Variants in BCO2 observed in about 807,000 individuals in gnomAD.
BCO2 encodes the protein beta-carotene oxygenase 2.
Under a neutral mutation model 65.8 loss-of-function variants are expected in BCO2, and 56 were observed. That is an observed-to-expected ratio of 0.85 (90% confidence interval 0.69 to 1.06). BCO2 has a LOEUF of 1.06. Among genes scored for constraint, BCO2 ranks in the 50% least tolerant of loss-of-function variants. The pLI is 0.00. For synonymous variants in BCO2, 233 were observed against 242.3 expected, an observed-to-expected ratio of 0.96 and a Z score of 0.36; for missense variants, 675 against 698.5, an observed-to-expected ratio of 0.97 and a Z score of 0.38.
In BCO2 at chr11:112,199,823, C is replaced by A. The variant is rs140187711; in HGVS notation, c.861C>A (p.Ser287Arg). ...TEKGKPSYYH[S>R]FGMTRNYIIF... ...AAGGGAAACCTTCTTACTACCATAG[C>A]TTTGGTGAGTCCAGAGATAAGGCAA... Residue 287 changes from serine to arginine, a missense_variant, in exon 6 of 12, where the codon AGC becomes AGA. By Grantham distance (110) the Ser-to-Arg change is moderately radical. Coordinates refer to ENST00000357685, the MANE Select transcript of BCO2 (RefSeq NM_031938.7). The A allele has an allele frequency of 1.9e-6, 3 of 1,613,954 alleles. No homozygotes were observed. In the African/African-American group the frequency reaches 4.0e-5, roughly 22 times the overall value.
intron 5 of BCO2, among the ~76,000 whole-genome samples, chr11:112,197,774 A>T (rs1247285296): frequency 1.3e-5 from 2 of 152,098 alleles, no homozygotes; most frequent in African/African-American, 4.8e-5. Flanking sequence ...CTTTTAACCC[A>T]CACCCACTTC....
At chr11:112,209,190 C>G (rs1859436160) in intron 8 of BCO2, among the ~76,000 whole-genome samples, 1 of 152,104 alleles carries the variant, frequency 6.6e-6, no homozygotes, top group African/African-American at 2.4e-5. Context: ...ATGTATCTAC[C>G]AATATCATAC....
intron 8 of BCO2, chr11:112,208,624 A>G (rs1859417316): frequency 4.3e-6 from 1 of 230,826 alleles, no homozygotes; most frequent in Non-Finnish European, 8.7e-6. Flanking sequence ...TGCATCTGCT[A>G]GCAGTGTCGT....
chr11:112,213,712 C>T lies in BCO2; in HGVS notation c.1195-12C>T. ...GAATGACAATTTTCATCTCTTTCTT[C>T]TTCCCAAACAGGTCCATAATTCAGC... On this transcript the variant is annotated splice_polypyrimidine_tract_variant and intron_variant, in intron 8 of 11. Transcript: ENST00000357685. 1.2e-6 allele frequency: 2 copies of T among 1,610,982 alleles called. No homozygotes were observed. Among genetic ancestry groups the T allele is most frequent in the South Asian group, 1.1e-5 (1 of 90,928 alleles).
chr11:112,213,965 A>C, intron 9 of BCO2, 104 bp downstream of exon 9: 1 of 960,698 alleles, frequency 1.0e-6, no homozygotes, highest in Non-Finnish European at 1.5e-6. Context: ...CTTTTATAAC[A>C]TTCATCCGAG....
intron 2 of BCO2, chr11:112,181,471 G>C (rs75649625): frequency 2.9e-6 from 2 of 681,138 alleles, no homozygotes; most frequent in Non-Finnish European, 5.6e-6. Flanking sequence ...GTGAGCCACC[G>C]CGCCCGGCCG....
At chr11:112,178,130 G>T (rs1866934951) in intron 1 of BCO2, among the ~76,000 whole-genome samples, 1 of 151,728 alleles carries the variant, frequency 6.6e-6, no homozygotes. Context: ...GGCCAGACAG[G>T]TCTCGAACTC....
Position 112,194,775 on chromosome 11 carries a change from C to A in BCO2, c.736+20C>A. ...CATATGGTAAAGTTGCAATAAAGGTCTTTTTAGAAATAATTGAGACCAGGC... is the reference window on the plus strand; with the variant it reads ...CATATGGTAAAGTTGCAATAAAGGTATTTTTAGAAATAATTGAGACCAGGC... On this transcript the variant is annotated intron_variant, in intron 5 of 11. Transcript: ENST00000357685. 1 of 1,505,842 alleles carries A rather than the reference C, an allele frequency of 6.6e-7. No homozygotes were observed. Among genetic ancestry groups the A allele is most frequent in the Non-Finnish European group, 9.2e-7 (1 of 1,089,748 alleles). 93.3% of individuals were successfully genotyped at this position (1,505,842 alleles called of 1,614,324 possible).
At chr11:112,194,436 T>G in intron 4 of BCO2, 1 of 484,904 alleles carries the variant, frequency 2.1e-6, no homozygotes. Flanking sequence ...TCAGGGTGGT[T>G]TTGTTGTTAG....
intron 2 of BCO2, chr11:112,182,901 A>G: frequency 7.8e-7 from 1 of 1,283,740 alleles, no homozygotes; most frequent in Non-Finnish European, 1.1e-6. Flanking sequence ...GAAACTGTGT[A>G]ATTTTGAGGA....
At chr11:112,180,783 T>C in intron 2 of BCO2, 1 of 976,856 alleles carries the variant, frequency 1.0e-6, no homozygotes, top group African/African-American at 1.6e-5. Flanking sequence ...ATGAGGCGGA[T>C]GACCCTGTTC....
At position 112,175,592 on chromosome 11, in the gene BCO2, C is replaced by T; in HGVS notation, c.-10C>T. 5 of 1,604,742 alleles carry T rather than the reference C, an allele frequency of 3.1e-6. No homozygotes were observed. Among genetic ancestry groups the T allele is most frequent in the Non-Finnish European group, 4.3e-6 (5 of 1,171,566 alleles). ...GGATTTGGAAATCACTGGATCTGCT[C>T]AATACAAAAATGTTTTTTCGAGTCT... On this transcript the variant is annotated 5_prime_UTR_variant, in exon 1 of 12. Transcript: ENST00000357685.
chr11:112,183,235 T>G (rs1307173668), intron 2 of BCO2: 1 of 769,408 alleles, frequency 1.3e-6, no homozygotes, highest in Non-Finnish European at 2.4e-6. Context: ...TGAAAATATT[T>G]TCCTTATCAC....
In BCO2 at chr11:112,217,871, C is replaced by G. The variant is rs768030666; in HGVS notation, c.1737C>G (p.Ile579Met). 5 of 1,600,118 alleles carry G rather than the reference C, an allele frequency of 3.1e-6. No individual in the cohort carries two copies. Among genetic ancestry groups the G allele is most frequent in the Non-Finnish European group, 2.6e-6 (3 of 1,169,122 alleles). Reference sequence around the variant, plus strand: ...GGTTCCATGGTACCTTCATACCCATCTGATGGGACAACCACAAGGTCTGGA... The same window carrying G: ...GGTTCCATGGTACCTTCATACCCATGTGATGGGACAACCACAAGGTCTGGA... ...PYGFHGTFIP[I>M] The change falls in exon 12 of 12, where the codon ATC (isoleucine) becomes ATG (methionine). Residue 579 changes from isoleucine to methionine, a missense_variant. Transcript: ENST00000357685.
At position 112,217,985 on chromosome 11, in the gene BCO2, G is replaced by T. The variant is rs986888574; in HGVS notation, c.*111G>T. On this transcript the variant is annotated 3_prime_UTR_variant, in exon 12 of 12. Coordinates refer to ENST00000357685, the MANE Select transcript of BCO2 (RefSeq NM_031938.7). Reference sequence around the variant, plus strand: ...CAAAAGGGGGGCAAGGAGGAAGAGGGGCAGGGGTTAAAAAGCTACCTATTG... The same window carrying T: ...CAAAAGGGGGGCAAGGAGGAAGAGGTGCAGGGGTTAAAAAGCTACCTATTG... The T allele has an allele frequency of 2.1e-4, 157 of 757,000 alleles. 2 individuals are homozygous for T. In the South Asian group the frequency reaches 2.1e-3, roughly 10 times the overall value. 46.9% of individuals were successfully genotyped at this position (757,000 alleles called of 1,614,324 possible).
chr11:112,182,660 T>C (rs1207565958), intron 2 of BCO2, among the ~76,000 whole-genome samples: 1 of 149,728 alleles, frequency 6.7e-6, no homozygotes. Context: ...ATGAGAACAC[T>C]TGGACACAGG....
At chr11:112,188,011 TTA>T (rs1867250832) in intron 2 of BCO2, among the ~76,000 whole-genome samples, 1 of 152,182 alleles carries the variant, frequency 6.6e-6, no homozygotes, top group Admixed American at 6.5e-5. Context: ...TAGATGGCAC[TTA>T]TCTCACTGGC....
chr11:112,186,106 A>G (rs974142429), intron 2 of BCO2, among the ~76,000 whole-genome samples: 1 of 152,254 alleles, frequency 6.6e-6, no homozygotes, highest in Non-Finnish European at 1.5e-5. Flanking sequence ...AAAGAGAAGT[A>G]GAAGAGAAGG....
At chr11:112,194,885 C>T in intron 5 of BCO2, 130 bp downstream of exon 5, 1 of 566,904 alleles carries the variant, frequency 1.8e-6, no homozygotes, top group Non-Finnish European at 3.1e-6. Flanking sequence ...CCTCTACACC[C>T]AGCTCTCTCT....
Sources: gnomAD v4.1 joint callset for allele counts (sites outside exome capture counted in the v4.1 genomes callset) on GRCh38, gnomAD v4.1.1 for gene constraint, MANE v1.5 for transcripts, NCBI Gene and HGNC (gene_info 2026-07-23, HGNC 2026-07-21) for gene names.